The following KAZN variants were observed in gnomAD, a reference collection of about 807,000 sequenced individuals.
KAZN encodes kazrin.
Under a neutral mutation model 87.4 loss-of-function variants are expected in KAZN, and 40 were observed. The ratio of observed to expected loss-of-function variants is 0.46; its 90% CI spans 0.36 to 0.60. The LOEUF (loss-of-function observed/expected upper bound fraction) is 0.60, where lower values mean the gene tolerates loss of function less well. KAZN is among the 20% of genes least tolerant of loss of function. The pLI, the probability that KAZN is intolerant of heterozygous loss-of-function variation, is 0.00. For missense variants in KAZN, 898 were observed against 1,073.9 expected (o/e 0.84, Z 2.29); for synonymous variants, 466 against 458.3 (o/e 1.02, Z -0.22).
chr1:14,684,864 G>A (rs1262792001), intron 1 of KAZN, among the ~76,000 whole-genome samples: 1 of 152,142 alleles, frequency 6.6e-6, no homozygotes, highest in Non-Finnish European at 1.5e-5. Flanking sequence ...CCCATTTTCA[G>A]AGTCCCTTTT....
intron 1 of KAZN, among the ~76,000 whole-genome samples, chr1:14,847,569 A>G (rs1648933610): frequency 6.6e-6 from 1 of 152,082 alleles, no homozygotes; most frequent in African/African-American, 2.4e-5. Flanking sequence ...GTAAGAAGAG[A>G]ATTTGGGAGC....
intron 1 of KAZN, among the ~76,000 whole-genome samples, chr1:14,651,200 T>C (rs990551428): frequency 1.3e-5 from 2 of 152,270 alleles, no homozygotes; most frequent in Non-Finnish European, 2.9e-5. Context: ...TGTGAGCCTT[T>C]GAGAGAAAGA....
At chr1:13,959,660 C>T (rs906185653) in intron 1 of KAZN, among the ~76,000 whole-genome samples, 1 of 152,208 alleles carries the variant, frequency 6.6e-6, no homozygotes, top group African/African-American at 2.4e-5. Flanking sequence ...ATGCATCCTT[C>T]AGTTCTCATT....
chr1:14,215,883 C>T (rs1348651602), intron 2 of KAZN, among the ~76,000 whole-genome samples: 1 of 152,146 alleles, frequency 6.6e-6, no homozygotes, highest in East Asian at 1.9e-4. Context: ...CATTAATGTT[C>T]ATCCAACTTC....
chr1:14,787,041 T>C (rs1486741694), intron 1 of KAZN, among the ~76,000 whole-genome samples: 1 of 152,216 alleles, frequency 6.6e-6, no homozygotes, highest in Non-Finnish European at 1.5e-5. Flanking sequence ...AGGCACACTT[T>C]GCTGATGCCT....
chr1:13,899,682 C>T (rs747672973), intron 1 of KAZN, among the ~76,000 whole-genome samples: 14 of 144,790 alleles, frequency 9.7e-5, no homozygotes, highest in Admixed American at 1.4e-4. Context: ...CTCGCACTGT[C>T]GCCCAGGCTG....
rs533223964 is a variant in KAZN at position 14,249,155 on chromosome 1, G to A, written c.249+68563G>A. 5.3e-4 allele frequency among the ~76,000 whole-genome samples: 81 copies of A among 152,236 alleles called. 1 individual carries two copies. Among genetic ancestry groups the A allele is most frequent in the African/African-American group, 1.8e-3 (74 of 41,546 alleles). On this transcript the variant is annotated intron_variant, in intron 2 of 16. Transcript: ENST00000636203. ...CTCTGCTGTTTCTAAATTCCTGACC[G>A]ACAGGATCCATGAGCACCATGCAGC...
chr1:13,913,267 T>A (rs1408360552), intron 1 of KAZN, among the ~76,000 whole-genome samples: 1 of 151,994 alleles, frequency 6.6e-6, no homozygotes, highest in Non-Finnish European at 1.5e-5. Flanking sequence ...AGAGGAATTG[T>A]TTTGGTATAA....
At chr1:14,120,165 A>G (rs1644719994) in intron 1 of KAZN, among the ~76,000 whole-genome samples, 1 of 152,206 alleles carries the variant, frequency 6.6e-6, no homozygotes. Flanking sequence ...GCTGTACAGG[A>G]AGCATGATGC....
chr1:15,017,054 T>C (rs1357225050), intron 2 of KAZN, among the ~76,000 whole-genome samples: 2 of 152,064 alleles, frequency 1.3e-5, no homozygotes, highest in Non-Finnish European at 2.9e-5. Flanking sequence ...TCGCAGCACT[T>C]TGGGAGGCTG....
At chr1:14,253,080 C>T (rs549428685) in intron 2 of KAZN, among the ~76,000 whole-genome samples, 70 of 140,590 alleles carry the variant, frequency 5.0e-4, no homozygotes, top group Non-Finnish European at 9.4e-4. Context: ...TACTATGTTA[C>T]AAGTCAATCC....
At chr1:14,498,017 G>A (rs1670041744) in intron 2 of KAZN, among the ~76,000 whole-genome samples, 1 of 151,966 alleles carries the variant, frequency 6.6e-6, no homozygotes, top group South Asian at 2.1e-4. Flanking sequence ...TCCCTTGCCT[G>A]TACTTTTACA....
At chr1:14,405,264 A>T (rs1663741014) in intron 2 of KAZN, among the ~76,000 whole-genome samples, 1 of 152,182 alleles carries the variant, frequency 6.6e-6, no homozygotes, top group African/African-American at 2.4e-5. Context: ...TGTATTGGGT[A>T]TGAGCCTGTT....
At chr1:14,109,691 C>G (rs1230172578) in intron 1 of KAZN, among the ~76,000 whole-genome samples, 1 of 152,150 alleles carries the variant, frequency 6.6e-6, no homozygotes, top group Non-Finnish European at 1.5e-5. Context: ...CAGCGTGAAC[C>G]TGAGGGTAAT....
At chr1:13,968,361 C>T (rs1001291398) in intron 1 of KAZN, among the ~76,000 whole-genome samples, 14 of 152,150 alleles carry the variant, frequency 9.2e-5, no homozygotes, top group South Asian at 2.1e-4. Flanking sequence ...AAGGTCCAGA[C>T]GGAACAGTGC....
At chr1:14,981,261 C>A (rs1666220653) in intron 2 of KAZN, among the ~76,000 whole-genome samples, 1 of 152,188 alleles carries the variant, frequency 6.6e-6, no homozygotes, top group African/African-American at 2.4e-5. Context: ...TGTCTCTGTT[C>A]CTAAAACGGA....
At chr1:14,937,169 G>C (rs1163526871) in intron 1 of KAZN, among the ~76,000 whole-genome samples, 4 of 152,226 alleles carry the variant, frequency 2.6e-5, no homozygotes, top group Non-Finnish European at 5.9e-5. Context: ...CAGCGTGGCA[G>C]AGAGTGGCGC....
intron 2 of KAZN, among the ~76,000 whole-genome samples, chr1:14,556,579 G>T (rs778402114): frequency 6.6e-6 from 1 of 151,994 alleles, no homozygotes; most frequent in Non-Finnish European, 1.5e-5. Context: ...ATTAAAAGAA[G>T]ACAACATTTT....
chr1:14,287,327 G>A (rs1447951141), intron 2 of KAZN, among the ~76,000 whole-genome samples: 2 of 152,212 alleles, frequency 1.3e-5, no homozygotes, highest in East Asian at 3.9e-4. Context: ...GTAATCATGT[G>A]ACACTATTCT....
Sources: allele counts gnomAD v4.1 joint callset (sites outside exome capture counted in the v4.1 genomes callset), GRCh38; gene constraint gnomAD v4.1.1; transcripts MANE v1.5; gene names NCBI Gene and HGNC (gene_info 2026-07-23, HGNC 2026-07-21).